DENND2C: variants seen among roughly 807,000 people sequenced by gnomAD.
The protein encoded by DENND2C is DENN domain-containing protein 2C.
In DENND2C, 72 loss-of-function variants were observed where a neutral mutation model predicts 112.4. The ratio of observed to expected loss-of-function variants is 0.64; its 90% CI spans 0.53 to 0.78. The LOEUF is 0.78. Among genes scored for constraint, DENND2C ranks in the 30% least tolerant of loss-of-function variants. The pLI, the probability that DENND2C is intolerant of heterozygous loss-of-function variation, is 0.00. For synonymous variants in DENND2C, 329 were observed against 381.6 expected (o/e 0.86, Z 1.61); for missense variants, 992 against 1,113.8 (o/e 0.89, Z 1.56).
At chr1:114,603,245 A>G (rs1039246000) in intron 11 of DENND2C, among the ~76,000 whole-genome samples, 3 of 151,822 alleles carry the variant, frequency 2.0e-5, no homozygotes, top group Non-Finnish European at 4.4e-5. Flanking sequence ...GGTTCAAGCA[A>G]TGCTCCTGCC....
Position 114,654,581 on chromosome 1 carries a change from G to A in DENND2C, c.-393C>T, listed in dbSNP as rs1657255520. Reference sequence around the variant, plus strand: ...TGTGAGAATTAAAACAGCAAGAACAGTGATTACACTTCATTAAATATTTTG... The same window carrying A: ...TGTGAGAATTAAAACAGCAAGAACAATGATTACACTTCATTAAATATTTTG... On this transcript the variant is annotated 5_prime_UTR_variant, in exon 2 of 21. Transcript: ENST00000393274. 6.6e-6 allele frequency: 1 copy of A among 152,090 alleles called. No individual in the cohort carries two copies. Among genetic ancestry groups the A allele is most frequent in the Non-Finnish European group, 1.5e-5 (1 of 68,034 alleles). The allele number at this position is 152,090 out of a possible 1,614,324, so 9.4% of individuals were successfully genotyped here. A position where few individuals can be genotyped will look rare whatever the true frequency, so the allele number is the denominator to read the frequency against.
chr1:114,648,578 G>A (rs950384109), intron 2 of DENND2C, among the ~76,000 whole-genome samples: 1 of 152,202 alleles, frequency 6.6e-6, no homozygotes, highest in Non-Finnish European at 1.5e-5. Flanking sequence ...AGGAAACTAG[G>A]TGGTGTGTTT....
At chr1:114,605,109 T>C in intron 10 of DENND2C, 78 bp from the exon 11 acceptor site, 2 of 1,107,366 alleles carry the variant, frequency 1.8e-6, no homozygotes, top group East Asian at 2.5e-5. Context: ...CAGCCTTGTC[T>C]CAGGAAAAAA....
intron 3 of DENND2C, among the ~76,000 whole-genome samples, chr1:114,630,774 T>G (rs1027654898): frequency 1.3e-5 from 2 of 152,208 alleles, no homozygotes; most frequent in African/African-American, 4.8e-5. Flanking sequence ...TACATGAGGC[T>G]AGACAACAAA....
Position 114,597,031 on chromosome 1 carries a change from C to T in DENND2C, c.2284-1158G>A, listed in dbSNP as rs114660522. On this transcript the variant is annotated intron_variant, in intron 16 of 20. Transcript: ENST00000393274. The stretch of plus-strand genomic sequence containing the variant: ...AGCTCACTAAAAACACCATCTATAA[C>T]GAAAAAGATTGATAATTTTAACCAC... Among the ~76,000 whole-genome samples the T allele has an allele frequency of 9.2e-3, 1,400 of 152,038 alleles. 14 individuals carry two copies. The highest frequency in any genetic ancestry group is 0.033 in the African/African-American group (1,366 of 41,458).
chr1:114,659,619 A>G (rs79012406), intron 1 of DENND2C, among the ~76,000 whole-genome samples: 4,081 of 152,328 alleles, frequency 0.027, 195 homozygotes, highest in African/African-American at 0.093. Flanking sequence ...GGAACCCTTC[A>G]GCATATAGCT....
rs142924015 is a variant in DENND2C, at chr1:114,625,845, C to T, written c.140G>A (p.Gly47Glu). 9.6e-5 allele frequency: 155 copies of T among 1,614,056 alleles called. No homozygotes were observed. Among genetic ancestry groups the T allele is most frequent in the Non-Finnish European group, 1.3e-4 (148 of 1,179,990 alleles). The change falls in exon 4 of 21, where the codon GGA (glycine) becomes GAA (glutamate). Residue 47 changes from glycine (G) to glutamate (E), a missense_variant. Around this residue, in one of 3 missense-constraint regions of DENND2C, gnomAD observed 470 missense variants for 472.7 expected, o/e 0.99. Transcript: ENST00000393274. The part of the protein sequence containing the change: ...NPEKWCPKDF[G>E]VRYNCHQEIR... ...CTCTTGGTGACAGTTATATCTCACT[C>T]CAAAGTCCTTTGGACACCACTTTTC...
chr1:114,625,979 A>T lies in DENND2C; in HGVS notation c.6T>A (p.Asp2Glu), dbSNP rs7541738. 0.25 allele frequency: 399,611 copies of T among 1,604,498 alleles called. 54,680 individuals are homozygous for T. The highest frequency in any genetic ancestry group is 0.28 in the Non-Finnish European group (333,038 of 1,174,476). The change falls in exon 4 of 21, where the codon GAT becomes GAA. Residue 2 changes from aspartate (D) to glutamate (E), a missense_variant. Transcript: ENST00000393274. ...GAACAGTAGTACGAGAAAAACCAAC[A>T]TCCATGTTCCCAACTGGGTGAATGA... M[D>E]VGFSRTTVQT...
intron 18 of DENND2C, among the ~76,000 whole-genome samples, chr1:114,592,870 T>G (rs1365608510): frequency 6.6e-6 from 1 of 152,226 alleles, no homozygotes; most frequent in Admixed American, 6.5e-5. Context: ...TCAAATCCAC[T>G]GGTCAAATCT....
intron 1 of DENND2C, among the ~76,000 whole-genome samples, chr1:114,664,937 AC>A (rs1229380061): frequency 1.9e-4 from 6 of 32,064 alleles, no homozygotes; most frequent in African/African-American, 1.7e-3. Flanking sequence ...TACCAAAAAT[AC>A]AAAAAATTAC....
chr1:114,660,001 G>C (rs1317676394), intron 1 of DENND2C, among the ~76,000 whole-genome samples: 1 of 152,052 alleles, frequency 6.6e-6, no homozygotes. Context: ...ATGTTGCCTA[G>C]GCTGGTCTCA....
At chr1:114,594,608 CTTTG>C (rs1655290143) in intron 17 of DENND2C, 30 bp from the exon 18 acceptor site, 4 of 1,579,468 alleles carry the variant, frequency 2.5e-6, no homozygotes, top group Non-Finnish European at 3.5e-6. Context: ...GGAGATTTTT[CTTTG>C]TTTGAGATTT....
At chr1:114,632,986 G>A (rs1035051031) in intron 3 of DENND2C, among the ~76,000 whole-genome samples, 1 of 151,996 alleles carries the variant, frequency 6.6e-6, no homozygotes, top group South Asian at 2.1e-4. Context: ...AATATACAAG[G>A]CATATTTTTT....
intron 3 of DENND2C, among the ~76,000 whole-genome samples, chr1:114,634,622 G>A (rs1387346884): frequency 6.6e-6 from 1 of 152,160 alleles, no homozygotes; most frequent in African/African-American, 2.4e-5. Context: ...GGAACTGAAA[G>A]AGAAATCAGT....
intron 3 of DENND2C, among the ~76,000 whole-genome samples, chr1:114,628,755 C>T (rs891048444): frequency 6.6e-6 from 1 of 152,218 alleles, no homozygotes; most frequent in Non-Finnish European, 1.5e-5. Context: ...TCACATCTGT[C>T]CCTTTAACCT....
chr1:114,661,394 AT>A (rs1657488338), intron 1 of DENND2C, among the ~76,000 whole-genome samples: 1 of 152,196 alleles, frequency 6.6e-6, no homozygotes. Context: ...ATATGTAGCC[AT>A]TTTTCCCTTA....
chr1:114,585,653 G>A (rs1246691742), intron 20 of DENND2C, 22 bp from the exon 21 acceptor site: 1 of 1,610,436 alleles, frequency 6.2e-7, no homozygotes, highest in African/African-American at 1.3e-5. Context: ...GAAAAGTACA[G>A]TGAATGCTCA....
intron 14 of DENND2C, 75 bp from the exon 15 acceptor site, chr1:114,600,427 T>C (rs1655468845): frequency 6.4e-7 from 1 of 1,559,826 alleles, no homozygotes; most frequent in Non-Finnish European, 8.7e-7. Context: ...TGGATCCTGT[T>C]ATTCTTATAT....
intron 1 of DENND2C, among the ~76,000 whole-genome samples, chr1:114,663,885 A>T (rs1227578673): frequency 1.3e-5 from 2 of 151,964 alleles, no homozygotes; most frequent in Non-Finnish European, 2.9e-5. Flanking sequence ...CAAAATATTA[A>T]TATTTGCTAT....
Sources: gnomAD v4.1 joint callset for allele counts (sites outside exome capture counted in the v4.1 genomes callset) on GRCh38, gnomAD v4.1.1 for gene constraint, gnomAD v4.1.1 regional missense constraint, MANE v1.5 for transcripts, NCBI Gene and HGNC (gene_info 2026-07-23, HGNC 2026-07-21) for gene names.